LARGE1: variants seen among roughly 807,000 people sequenced by gnomAD.
LARGE1 encodes the protein LARGE xylosyl- and glucuronyltransferase 1, also known as xylosyl- and glucuronyltransferase LARGE1.
LARGE1 carries 43 observed loss-of-function variants against 87.6 expected under a neutral mutation model. That is an observed-to-expected ratio of 0.49 (90% CI 0.38 to 0.63). The LOEUF (loss-of-function observed/expected upper bound fraction) is 0.63, where lower values mean the gene tolerates loss of function less well. Among genes scored for constraint, LARGE1 ranks in the 30% least tolerant of loss-of-function variants. LARGE1 has a pLI of 0.00. For synonymous variants in LARGE1, 434 were observed against 394.6 expected (o/e 1.10, Z -1.18); for missense variants, 802 against 1,000.2 (o/e 0.80, Z 2.67).
chr22:33,772,586 T>C (rs2085104752), intron 1 of LARGE1, among the ~76,000 whole-genome samples: 1 of 152,108 alleles, frequency 6.6e-6, no homozygotes, highest in Non-Finnish European at 1.5e-5. Flanking sequence ...AGACTGGATC[T>C]TGAATGCTGT....
At chr22:33,401,865 T>C (rs1208851791) in intron 7 of LARGE1, among the ~76,000 whole-genome samples, 1 of 152,200 alleles carries the variant, frequency 6.6e-6, no homozygotes, top group Non-Finnish European at 1.5e-5. Context: ...ACGGCAGCCC[T>C]AGCAAACTAA....
chr22:33,822,321 C>A (rs759864612), intron 1 of LARGE1, among the ~76,000 whole-genome samples: 2 of 152,146 alleles, frequency 1.3e-5, no homozygotes, highest in Non-Finnish European at 2.9e-5. Flanking sequence ...AGGTTTCTGG[C>A]CGGCATCTGA....
intron 1 of LARGE1, among the ~76,000 whole-genome samples, chr22:33,909,657 G>A (rs1416287218): frequency 6.6e-6 from 1 of 152,000 alleles, no homozygotes. Context: ...TCCTGCCTCA[G>A]CCTCCCGAGT....
rs529020554 is a variant in LARGE1 at position 33,302,804 on chromosome 22, C to T, written c.1730+1425G>A. Among the ~76,000 whole-genome samples the T allele has an allele frequency of 1.3e-4, 20 of 152,260 alleles. No homozygotes were observed. In the East Asian group the frequency reaches 3.7e-3, roughly 28 times the overall value. On this transcript the variant is annotated intron_variant, in intron 12 of 14. Coordinates refer to ENST00000397394, the MANE Select transcript of LARGE1 (RefSeq NM_133642.5). ...AGACCTGGGGCTGCAGACGCTGGTT[C>T]ACACCCTGGCGTGAGCTCTCTGGAC...
At chr22:33,643,525 C>T (rs2080509191) in intron 3 of LARGE1, among the ~76,000 whole-genome samples, 1 of 152,074 alleles carries the variant, frequency 6.6e-6, no homozygotes, top group South Asian at 2.1e-4. Flanking sequence ...CAAGAAATAA[C>T]TAAGATCAGA....
chr22:33,536,101 G>A (rs987703966), intron 6 of LARGE1, among the ~76,000 whole-genome samples: 1 of 152,120 alleles, frequency 6.6e-6, no homozygotes, highest in East Asian at 1.9e-4. Context: ...ATTACAATAC[G>A]GCACTCTGAA....
intron 7 of LARGE1, among the ~76,000 whole-genome samples, chr22:33,407,933 C>T (rs943076720): frequency 1.3e-5 from 2 of 151,572 alleles, no homozygotes; most frequent in Non-Finnish European, 2.9e-5. Flanking sequence ...TGGGAATACA[C>T]ATGTCATAGT....
At chr22:33,852,685 A>G (rs961353348) in intron 1 of LARGE1, among the ~76,000 whole-genome samples, 3 of 149,638 alleles carry the variant, frequency 2.0e-5, no homozygotes, top group African/African-American at 7.3e-5. Context: ...CGTCTCTACT[A>G]AAAAAACATA....
At chr22:33,696,305 C>T (rs2082248545) in intron 2 of LARGE1, among the ~76,000 whole-genome samples, 1 of 147,196 alleles carries the variant, frequency 6.8e-6, no homozygotes. Context: ...CTCTGTTGCC[C>T]AGGCTGGAGT....
At chr22:33,790,958 A>G (rs2085803245) in intron 1 of LARGE1, among the ~76,000 whole-genome samples, 1 of 152,202 alleles carries the variant, frequency 6.6e-6, no homozygotes, top group Admixed American at 6.5e-5. Context: ...ATATCCTTTC[A>G]AGGTGAACAC....
At chr22:33,617,950 G>C (rs2079628527) in intron 4 of LARGE1, among the ~76,000 whole-genome samples, 2 of 152,180 alleles carry the variant, frequency 1.3e-5, no homozygotes, top group African/African-American at 4.8e-5. Context: ...ATTTTGTCAG[G>C]AATGTGCCAC....
chr22:33,636,526 A>C (rs781155884), intron 3 of LARGE1, among the ~76,000 whole-genome samples: 6 of 152,130 alleles, frequency 3.9e-5, no homozygotes, highest in Non-Finnish European at 7.4e-5. Flanking sequence ...AAAGAGGAGT[A>C]ATAAATGTGT....
chr22:33,417,875 G>T (rs1239415033), intron 7 of LARGE1, among the ~76,000 whole-genome samples: 1 of 152,164 alleles, frequency 6.6e-6, no homozygotes, highest in East Asian at 1.9e-4. Flanking sequence ...ATGGCAGGTT[G>T]AGTCCTTCTC....
intron 1 of LARGE1, among the ~76,000 whole-genome samples, chr22:33,895,241 A>G (rs2065108000): frequency 6.6e-6 from 1 of 152,222 alleles, no homozygotes; most frequent in South Asian, 2.1e-4. Flanking sequence ...AAAACAGAAA[A>G]GCAGGCCATC....
chr22:33,311,937 T>G lies in LARGE1; in HGVS notation c.1451+4148A>C, dbSNP rs190668237. Among the ~76,000 whole-genome samples, 13 of 152,108 alleles carry G rather than the reference T, an allele frequency of 8.5e-5. No homozygotes were observed. In the East Asian group the frequency reaches 1.3e-3, roughly 16 times the overall value. On this transcript the variant is annotated intron_variant, in intron 11 of 14. Transcript: ENST00000397394. ...ACTTGCCCAGAACACCAGCTGAGGA[T>G]TGAATGAGTTGGTGGGATTTGAACC...
chr22:33,534,348 G>A (rs1253091070), intron 6 of LARGE1, among the ~76,000 whole-genome samples: 1 of 151,888 alleles, frequency 6.6e-6, no homozygotes, highest in African/African-American at 2.4e-5. Flanking sequence ...AGCTTGCAGT[G>A]AGCGGAGAAC....
At chr22:33,194,926 A>C (rs1425666779) in intron 11 of LARGE1, among the ~76,000 whole-genome samples, 24 of 152,132 alleles carry the variant, frequency 1.6e-4, no homozygotes, top group Admixed American at 1.6e-3. Context: ...TATTCCCCAA[A>C]TCTCTAGACA....
chr22:33,700,033 C>T (rs770938437), intron 2 of LARGE1, among the ~76,000 whole-genome samples: 1 of 152,168 alleles, frequency 6.6e-6, no homozygotes, highest in East Asian at 1.9e-4. Context: ...TCTAATGTAA[C>T]CACTGTCCTT....
chr22:33,429,819 G>A (rs557726788), intron 7 of LARGE1, among the ~76,000 whole-genome samples: 28 of 152,186 alleles, frequency 1.8e-4, no homozygotes, highest in Middle Eastern at 6.8e-3. Flanking sequence ...GTGACTAGTC[G>A]TTTGCCAGAG....
Sources: gnomAD v4.1 joint callset for allele counts (sites outside exome capture counted in the v4.1 genomes callset) on GRCh38, gnomAD v4.1.1 for gene constraint, MANE v1.5 for transcripts, NCBI Gene and HGNC (gene_info 2026-07-23, HGNC 2026-07-21) for gene names.